CNTNAP2: variants seen among roughly 807,000 people sequenced by gnomAD.
CNTNAP2 encodes the protein contactin-associated protein-like 2.
CNTNAP2 carries 98 observed loss-of-function variants against 155.2 expected under a neutral mutation model. The observed-to-expected ratio is 0.63, with a 90% confidence interval of 0.54 to 0.75. The LOEUF is 0.75. Ranked by LOEUF, CNTNAP2 falls within the 30% of genes least tolerant of loss-of-function variation. The pLI, the probability that CNTNAP2 is intolerant of heterozygous loss-of-function variation, is 0.00. For synonymous variants in CNTNAP2, 651 were observed against 631.2 expected (o/e 1.03, Z -0.47); for missense variants, 1,727 against 1,688.1 (o/e 1.02, Z -0.40).
At chr7:146,920,186 A>G (rs556996127) in intron 3 of CNTNAP2, among the ~76,000 whole-genome samples, 15 of 152,158 alleles carry the variant, frequency 9.9e-5, no homozygotes, top group African/African-American at 3.6e-4. Context: ...GGCCGAGGAG[A>G]GCAGATCACC....
chr7:147,591,790 C>T (rs914291565), intron 12 of CNTNAP2, among the ~76,000 whole-genome samples: 4 of 152,122 alleles, frequency 2.6e-5, no homozygotes, highest in East Asian at 3.9e-4. Context: ...CAAAGAACTG[C>T]ACCATCTGCA....
chr7:147,766,270 T>G (rs1171959303), intron 13 of CNTNAP2, among the ~76,000 whole-genome samples: 1 of 152,146 alleles, frequency 6.6e-6, no homozygotes, highest in African/African-American at 2.4e-5. Flanking sequence ...TAAGACAAAT[T>G]TGGAAAGTTG....
At chr7:147,762,643 GAATT>G (rs1797320569) in intron 13 of CNTNAP2, among the ~76,000 whole-genome samples, 1 of 143,536 alleles carries the variant, frequency 7.0e-6, no homozygotes, top group Admixed American at 7.2e-5. Context: ...ATTAACTACT[GAATT>G]AATAGTATTT....
chr7:148,322,169 C>G (rs1043624109), intron 21 of CNTNAP2, among the ~76,000 whole-genome samples: 2 of 152,160 alleles, frequency 1.3e-5, no homozygotes, highest in African/African-American at 2.4e-5. Context: ...GGGATCCGCC[C>G]ACCTTGGCCT....
At chr7:148,312,295 A>C (rs944684923) in intron 21 of CNTNAP2, among the ~76,000 whole-genome samples, 1 of 152,164 alleles carries the variant, frequency 6.6e-6, no homozygotes, top group African/African-American at 2.4e-5. Context: ...GGGGTTTGGG[A>C]GATTAGCCAG....
chr7:146,346,600 TGAGCCCGG>T (rs1794822067), intron 1 of CNTNAP2, among the ~76,000 whole-genome samples: 1 of 152,114 alleles, frequency 6.6e-6, no homozygotes, highest in Non-Finnish European at 1.5e-5. Context: ...GAGAAGTGCT[TGAGCCCGG>T]GAGGCAAAGG....
chr7:146,542,408 A>G (rs115204967), intron 1 of CNTNAP2, among the ~76,000 whole-genome samples: 1,599 of 152,092 alleles, frequency 0.011, 26 homozygotes, highest in Middle Eastern at 0.065. Flanking sequence ...TTAGATCTAC[A>G]TGTTCCAAGG....
chr7:147,029,106 G>A (rs1339939738), intron 3 of CNTNAP2, among the ~76,000 whole-genome samples: 1 of 151,702 alleles, frequency 6.6e-6, no homozygotes, highest in African/African-American at 2.4e-5. Context: ...TGGGACCACA[G>A]GCACCCGCCA....
chr7:147,066,915 G>T (rs1336150717), intron 4 of CNTNAP2, among the ~76,000 whole-genome samples: 1 of 152,118 alleles, frequency 6.6e-6, no homozygotes, highest in Admixed American at 6.6e-5. Flanking sequence ...TTGGGTGAAG[G>T]CCCTGTACAA....
At chr7:147,135,208 C>A (rs1292721784) in intron 8 of CNTNAP2, among the ~76,000 whole-genome samples, 1 of 151,760 alleles carries the variant, frequency 6.6e-6, no homozygotes, top group Non-Finnish European at 1.5e-5. Context: ...TGATTACTGT[C>A]TTCAAGAGTC....
At chr7:148,393,247 C>CTTTTCTCTCCTTATGCT (rs1306769559) in intron 22 of CNTNAP2, among the ~76,000 whole-genome samples, 4 of 152,170 alleles carry the variant, frequency 2.6e-5, no homozygotes, top group Non-Finnish European at 4.4e-5. Flanking sequence ...GAACAGATCC[C>CTTTTCTCTCCTTATGCT]TTTTCTCTCC....
chr7:147,303,881 G>A (rs1490897182), intron 9 of CNTNAP2, among the ~76,000 whole-genome samples: 1 of 152,048 alleles, frequency 6.6e-6, no homozygotes. Flanking sequence ...TTATTTAATG[G>A]CCTCTCATCA....
chr7:147,235,401 C>T (rs1584809875), intron 8 of CNTNAP2, among the ~76,000 whole-genome samples: 1 of 145,706 alleles, frequency 6.9e-6, no homozygotes, highest in Non-Finnish European at 1.5e-5. Context: ...TACACATACA[C>T]GTGTATCCTA....
At chr7:147,527,168 G>C (rs1269547051) in intron 11 of CNTNAP2, among the ~76,000 whole-genome samples, 1 of 151,428 alleles carries the variant, frequency 6.6e-6, no homozygotes, top group African/African-American at 2.4e-5. Context: ...GACTACAGGT[G>C]CCCACCACCA....
At chr7:147,997,934 G>C (rs1563162248) in intron 15 of CNTNAP2, among the ~76,000 whole-genome samples, 1 of 152,128 alleles carries the variant, frequency 6.6e-6, no homozygotes, top group Admixed American at 6.5e-5. Context: ...CAAAGGGTCA[G>C]TCTGAGGACG....
intron 12 of CNTNAP2, among the ~76,000 whole-genome samples, chr7:147,580,968 T>A (rs10236087): frequency 0.69 from 105,625 of 152,140 alleles, 37,318 homozygotes; most frequent in African/African-American, 0.82. Context: ...TTTTGAGCAT[T>A]TAAACAACAT....
At chr7:146,757,981 G>A (rs951562747) in intron 1 of CNTNAP2, among the ~76,000 whole-genome samples, 1 of 151,494 alleles carries the variant, frequency 6.6e-6, no homozygotes, top group African/African-American at 2.4e-5. Flanking sequence ...TCATTCTCTG[G>A]GAATCTCCTC....
chr7:147,090,562 C>G (rs545872568), intron 4 of CNTNAP2, among the ~76,000 whole-genome samples: 10 of 152,036 alleles, frequency 6.6e-5, no homozygotes, highest in African/African-American at 2.4e-4. Context: ...TTTTAATGTT[C>G]TAGAATTAAA....
chr7:148,170,863 C>T (rs1444943965), intron 17 of CNTNAP2, among the ~76,000 whole-genome samples: 1 of 152,166 alleles, frequency 6.6e-6, no homozygotes, highest in Admixed American at 6.5e-5. Flanking sequence ...AATCAATCCC[C>T]AGCCTACTGA....
Sources: gnomAD v4.1 joint callset for allele counts (sites outside exome capture counted in the v4.1 genomes callset) on GRCh38, gnomAD v4.1.1 for gene constraint, MANE v1.5 for transcripts, NCBI Gene and HGNC (gene_info 2026-07-23, HGNC 2026-07-21) for gene names.